Variants in DLG2 observed in about 807,000 individuals in gnomAD.
DLG2 encodes disks large homolog 2.
DLG2 carries 45 observed loss-of-function variants against 132.5 expected under a neutral mutation model. That is an observed-to-expected ratio of 0.34 (90% CI 0.27 to 0.44). DLG2 has a LOEUF of 0.44. Ranked by LOEUF, DLG2 falls within the 20% of genes least tolerant of loss-of-function variation. The pLI, the probability that DLG2 is intolerant of heterozygous loss-of-function variation, is 1.00. For synonymous variants in DLG2, 424 were observed against 419.6 expected (o/e 1.01, Z -0.13); for missense variants, 1,045 against 1,196.9 (o/e 0.87, Z 1.87).
intron 16 of DLG2, among the ~76,000 whole-genome samples, chr11:83,862,424 G>A (rs2061596843): frequency 6.6e-6 from 1 of 152,076 alleles, no homozygotes; most frequent in South Asian, 2.1e-4. Context: ...ATAATAGAAT[G>A]ATGGTTACCA....
chr11:85,233,022 T>C lies in DLG2; in HGVS notation c.186+52198A>G, dbSNP rs141210532. Among the ~76,000 whole-genome samples the C allele has an allele frequency of 4.1e-3, 617 of 152,062 alleles. 8 individuals carry two copies. Among genetic ancestry groups the C allele is most frequent in the African/African-American group, 0.013 (536 of 41,558 alleles). ...CTTTCTTTCCATGCGTTATGTTTAA[T>C]TCTATTTTAAATTTTTTTACTTTTT... On this transcript the variant is annotated intron_variant, in intron 4 of 27. Coordinates refer to ENST00000376104, the MANE Select transcript of DLG2 (RefSeq NM_001142699.3).
At chr11:84,002,617 T>G (rs1436802061) in intron 11 of DLG2, among the ~76,000 whole-genome samples, 1 of 152,130 alleles carries the variant, frequency 6.6e-6, no homozygotes, top group Non-Finnish European at 1.5e-5. Context: ...TGGCCCCTTT[T>G]ACTCATGGCT....
intron 10 of DLG2, 131 bp downstream of exon 10, chr11:84,098,792 A>T (rs961898717): frequency 3.8e-6 from 4 of 1,054,362 alleles, no homozygotes; most frequent in Non-Finnish European, 5.4e-6. Flanking sequence ...AAGTCATTTC[A>T]GGAAGCTTGC....
At chr11:83,608,736 A>G (rs1451044214) in intron 19 of DLG2, among the ~76,000 whole-genome samples, 3 of 149,348 alleles carry the variant, frequency 2.0e-5, no homozygotes, top group African/African-American at 7.4e-5. Flanking sequence ...ACACACACAG[A>G]GAGAGAGAGA....
At chr11:84,717,975 C>T (rs2061411709) in intron 6 of DLG2, among the ~76,000 whole-genome samples, 1 of 151,954 alleles carries the variant, frequency 6.6e-6, no homozygotes, top group Non-Finnish European at 1.5e-5. Context: ...AAACTTAAGC[C>T]TGTCTGTGAG....
chr11:83,542,775 C>A (rs1467011532), intron 19 of DLG2, among the ~76,000 whole-genome samples: 1 of 152,096 alleles, frequency 6.6e-6, no homozygotes, highest in East Asian at 1.9e-4. Context: ...TTGTCCACAT[C>A]CTGCTGTATA....
intron 15 of DLG2, among the ~76,000 whole-genome samples, chr11:83,889,205 C>T (rs569222697): frequency 6.6e-5 from 10 of 152,110 alleles, no homozygotes; most frequent in South Asian, 2.1e-4. Context: ...GCAACCTACT[C>T]ATCTGACAAA....
intron 6 of DLG2, among the ~76,000 whole-genome samples, chr11:85,096,194 A>C (rs561105391): frequency 6.6e-6 from 1 of 152,192 alleles, no homozygotes; most frequent in Non-Finnish European, 1.5e-5. Flanking sequence ...AAATAAGGGA[A>C]TAAAAGCTGG....
intron 20 of DLG2, among the ~76,000 whole-genome samples, chr11:83,540,820 A>G (rs1290019890): frequency 6.6e-6 from 1 of 152,160 alleles, no homozygotes; most frequent in Non-Finnish European, 1.5e-5. Context: ...TGCTTTTATT[A>G]AGCATAATTC....
rs77113045 is a variant in DLG2 at position 84,047,553 on chromosome 11, A to C, written c.919+11762T>G. ...AAATATTTACCTTGAGTAACTATTCACAGCTTTTCACAGGGCTTGTTGTGT... is the reference window on the plus strand; with the variant it reads ...AAATATTTACCTTGAGTAACTATTCCCAGCTTTTCACAGGGCTTGTTGTGT... On this transcript the variant is annotated intron_variant, in intron 11 of 27. Transcript: ENST00000376104. 9.2e-5 allele frequency among the ~76,000 whole-genome samples: 14 copies of C among 151,734 alleles called. No homozygotes were observed. The East Asian group carries it at 2.7e-3, about 29-fold the overall frequency.
chr11:84,083,754 C>T (rs762757314), intron 10 of DLG2, among the ~76,000 whole-genome samples: 7 of 152,112 alleles, frequency 4.6e-5, no homozygotes, highest in Admixed American at 2.6e-4. Context: ...AACCATGAGC[C>T]TAAGAAACTT....
In DLG2 at chr11:85,381,141, G is replaced by A. The variant is rs148469849; in HGVS notation, c.41-95776C>T. Among the ~76,000 whole-genome samples the A allele has an allele frequency of 3.9e-5, 6 of 152,338 alleles. No individual in the cohort carries two copies. In the East Asian group the frequency reaches 1.2e-3, roughly 29 times the overall value. Reference sequence around the variant, plus strand: ...GTGCTAGCGACTGTAGTCTAATGAAGAGAGCACAGCCATGCACTTAAAGTA... The same window carrying A: ...GTGCTAGCGACTGTAGTCTAATGAAAAGAGCACAGCCATGCACTTAAAGTA... On this transcript the variant is annotated intron_variant, in intron 3 of 27. Transcript: ENST00000376104.
chr11:85,489,873 G>C (rs2093517308), intron 3 of DLG2, among the ~76,000 whole-genome samples: 1 of 76,268 alleles, frequency 1.3e-5, no homozygotes, highest in Non-Finnish European at 3.3e-5. Context: ...ACTTTTCTTT[G>C]AAAGGACATG....
intron 15 of DLG2, among the ~76,000 whole-genome samples, chr11:83,923,067 T>C (rs1362264045): frequency 6.6e-6 from 1 of 152,112 alleles, no homozygotes; most frequent in Non-Finnish European, 1.5e-5. Flanking sequence ...TTGATTATGA[T>C]GACAAGAAGG....
chr11:84,360,872 G>A (rs1209584713), intron 7 of DLG2, among the ~76,000 whole-genome samples: 2 of 151,854 alleles, frequency 1.3e-5, no homozygotes, highest in Non-Finnish European at 2.9e-5. Flanking sequence ...CTTTACATAT[G>A]TAAAAATGTA....
chr11:84,060,972 T>C (rs1271568438), intron 10 of DLG2, among the ~76,000 whole-genome samples: 1 of 152,206 alleles, frequency 6.6e-6, no homozygotes, highest in Non-Finnish European at 1.5e-5. Context: ...TCTCTCTTGT[T>C]ACCTTTCAAT....
At chr11:84,574,033 G>A (rs2099492447) in intron 6 of DLG2, among the ~76,000 whole-genome samples, 1 of 152,124 alleles carries the variant, frequency 6.6e-6, no homozygotes, top group South Asian at 2.1e-4. Flanking sequence ...GGCAAAACTT[G>A]TTCAGAATCA....
intron 6 of DLG2, among the ~76,000 whole-genome samples, chr11:84,617,901 A>T (rs1257279230): frequency 3.3e-5 from 5 of 152,138 alleles, no homozygotes; most frequent in Non-Finnish European, 5.9e-5. Context: ...TTTAAAAAAT[A>T]GGTAAAAACA....
intron 15 of DLG2, among the ~76,000 whole-genome samples, chr11:83,887,115 A>T (rs2068126820): frequency 6.6e-6 from 1 of 152,236 alleles, no homozygotes; most frequent in African/African-American, 2.4e-5. Flanking sequence ...GAACTGAAGG[A>T]AATAGAGACA....
Sources: gnomAD v4.1 joint callset for allele counts (sites outside exome capture counted in the v4.1 genomes callset) on GRCh38, gnomAD v4.1.1 for gene constraint, MANE v1.5 for transcripts, NCBI Gene and HGNC (gene_info 2026-07-23, HGNC 2026-07-21) for gene names.